The following CLMP variants were observed in gnomAD, a reference collection of about 807,000 sequenced individuals.
CLMP encodes the protein CXADR-like membrane protein.
In CLMP, 27 loss-of-function variants were observed where a neutral mutation model predicts 45.2. That is an observed-to-expected ratio of 0.60 (90% CI 0.44 to 0.82). The LOEUF is 0.82. Ranked by LOEUF, CLMP falls within the 40% of genes least tolerant of loss-of-function variation. The pLI, the probability that CLMP is intolerant of heterozygous loss-of-function variation, is 0.00. For missense variants in CLMP, 403 were observed against 448.4 expected, an observed-to-expected ratio of 0.90 and a Z score of 0.91; for synonymous variants, 167 against 171.4, an observed-to-expected ratio of 0.97 and a Z score of 0.20.
At chr11:123,135,258 T>TAAAAAA (rs1861054614) in intron 1 of CLMP, among the ~76,000 whole-genome samples, 1 of 74,120 alleles carries the variant, frequency 1.3e-5, no homozygotes, top group African/African-American at 7.7e-5. Context: ...AGACTCCGTC[T>TAAAAAA]CAAAAAAAAA....
chr11:123,113,592 G>C (rs529803615), intron 1 of CLMP, among the ~76,000 whole-genome samples: 1 of 152,178 alleles, frequency 6.6e-6, no homozygotes, highest in Non-Finnish European at 1.5e-5. Flanking sequence ...TGACTTCTGC[G>C]TTTGGCAGAT....
chr11:123,102,907 T>A (rs1347747023), intron 1 of CLMP, among the ~76,000 whole-genome samples: 4 of 151,950 alleles, frequency 2.6e-5, no homozygotes, highest in Non-Finnish European at 5.9e-5. Flanking sequence ...TCTCCCATTA[T>A]CCTGTAAGCT....
In CLMP at chr11:123,171,681, C is replaced by T. The variant is rs529134798; in HGVS notation, c.28+23232G>A. ...CTGGTCTCGAACTCCTGGCCTCAAGCGATCCGCCTTCCTCGGTCTCCCAAA... is the reference window on the plus strand; with the variant it reads ...CTGGTCTCGAACTCCTGGCCTCAAGTGATCCGCCTTCCTCGGTCTCCCAAA... On this transcript the variant is annotated intron_variant, in intron 1 of 6. Transcript: ENST00000448775. 1.5e-4 allele frequency among the ~76,000 whole-genome samples: 23 copies of T among 151,990 alleles called. No homozygotes were observed. In the South Asian group the frequency reaches 1.9e-3, roughly 12 times the overall value.
chr11:123,163,867 T>G (rs1861520555), intron 1 of CLMP, among the ~76,000 whole-genome samples: 1 of 152,220 alleles, frequency 6.6e-6, no homozygotes, highest in Non-Finnish European at 1.5e-5. Flanking sequence ...AGAGTGTCTC[T>G]GCTTAAATTT....
At chr11:123,142,534 C>T (rs6589968) in intron 1 of CLMP, among the ~76,000 whole-genome samples, 65,904 of 151,540 alleles carry the variant, frequency 0.43, 15,680 homozygotes, top group African/African-American at 0.64. Flanking sequence ...CAGTTAAGCC[C>T]TAAGTGAGAG....
Position 123,083,124 on chromosome 11 carries a change from C to T in CLMP, c.640G>A (p.Ala214Thr), listed in dbSNP as rs1256149827. ...CGCACCACACAGCTTTCCTTCCCAG[C>T]TTCGTTGCCTGCTGTGCACTGGTAC... ...GLYQCTAGNE[A>T]GKESCVVRVT... The change falls in exon 5 of 7, where the codon GCT (alanine) becomes ACT (threonine). Residue 214 changes from alanine to threonine, a missense_variant. Coordinates refer to ENST00000448775, the MANE Select transcript of CLMP (RefSeq NM_024769.5). The T allele has an allele frequency of 6.2e-7, 1 of 1,614,080 alleles. No individual in the cohort carries two copies. The highest frequency in any genetic ancestry group is 8.5e-7 in the Non-Finnish European group (1 of 1,180,038).
intron 1 of CLMP, among the ~76,000 whole-genome samples, chr11:123,162,134 G>A (rs779156293): frequency 6.6e-6 from 1 of 152,154 alleles, no homozygotes; most frequent in Non-Finnish European, 1.5e-5. Flanking sequence ...TCAGTCTAAG[G>A]GGAAGTTCCT....
chr11:123,164,130 T>G (rs959860524), intron 1 of CLMP, among the ~76,000 whole-genome samples: 1 of 151,986 alleles, frequency 6.6e-6, no homozygotes, highest in Non-Finnish European at 1.5e-5. Flanking sequence ...CGAAAATCAA[T>G]AGTAAATACC....
chr11:123,133,433 T>C (rs1861020950), intron 1 of CLMP, among the ~76,000 whole-genome samples: 1 of 152,112 alleles, frequency 6.6e-6, no homozygotes, highest in South Asian at 2.1e-4. Context: ...GCAGAAATCT[T>C]GTTAAGTCAG....
At chr11:123,102,681 T>C (rs1354585641) in intron 1 of CLMP, among the ~76,000 whole-genome samples, 2 of 150,356 alleles carry the variant, frequency 1.3e-5, no homozygotes, top group Non-Finnish European at 3.0e-5. Flanking sequence ...GTTCCAGTGA[T>C]TCTCCTGCCT....
chr11:123,166,894 C>T (rs1415052461), intron 1 of CLMP, among the ~76,000 whole-genome samples: 1 of 151,956 alleles, frequency 6.6e-6, no homozygotes, highest in Non-Finnish European at 1.5e-5. Flanking sequence ...CATTGCACTC[C>T]ATAAATATGT....
intron 1 of CLMP, among the ~76,000 whole-genome samples, chr11:123,123,808 A>T (rs61043674): frequency 0.11 from 17,420 of 152,198 alleles, 1,842 homozygotes; most frequent in African/African-American, 0.28. Context: ...ATTAGCAAAT[A>T]CTTTAAGACA....
intron 1 of CLMP, among the ~76,000 whole-genome samples, chr11:123,139,802 CG>C (rs1194998050): frequency 3.3e-5 from 5 of 150,512 alleles, no homozygotes; most frequent in Non-Finnish European, 7.4e-5. Context: ...GGCAACAGAG[CG>C]AGACACCGTC....
intron 5 of CLMP, among the ~76,000 whole-genome samples, chr11:123,079,750 G>A (rs1009048138): frequency 5.8e-4 from 88 of 152,260 alleles, no homozygotes; most frequent in Admixed American, 2.1e-3. Context: ...CGGCCTGACT[G>A]TTGTGTTTTT....
chr11:123,138,135 A>G (rs1227350351), intron 1 of CLMP, among the ~76,000 whole-genome samples: 1 of 152,062 alleles, frequency 6.6e-6, no homozygotes, highest in Non-Finnish European at 1.5e-5. Flanking sequence ...GACAGCAAGG[A>G]GGGATGAAGT....
At chr11:123,091,878 G>GC (rs36065781) in intron 2 of CLMP, among the ~76,000 whole-genome samples, 61,848 of 151,930 alleles carry the variant, frequency 0.41, 14,502 homozygotes, top group African/African-American at 0.65. Context: ...TGAAGGCTTG[G>GC]CTTCTGAAGG....
At position 123,083,698 on chromosome 11, in the gene CLMP, G is replaced by A; in HGVS notation, c.538C>T (p.Pro180Ser). Reference protein sequence around the residue: ...REKEGEDERLPPKSRIDYNHP... With the variant: ...REKEGEDERLSPKSRIDYNHP... ...GACTTACCAATCCTAGATTTGGGAGGCAGACGTTCATCCTCTCCCTCTTTC... is the reference window on the plus strand; with the variant it reads ...GACTTACCAATCCTAGATTTGGGAGACAGACGTTCATCCTCTCCCTCTTTC... The change falls in exon 4 of 7, where the codon CCT becomes TCT. Residue 180 changes from proline (P) to serine (S), a missense_variant. Pro to Ser is a moderately conservative substitution (Grantham distance 74). Transcript: ENST00000448775. 6.2e-7 allele frequency: 1 copy of A among 1,614,038 alleles called. No homozygotes were observed. Among genetic ancestry groups the A allele is most frequent in the Non-Finnish European group, 8.5e-7 (1 of 1,180,012 alleles).
chr11:123,174,343 T>G (rs1861672344), intron 1 of CLMP, among the ~76,000 whole-genome samples: 1 of 152,190 alleles, frequency 6.6e-6, no homozygotes. Context: ...ATTCTGATTG[T>G]TTCCTTCCTT....
At chr11:123,127,341 C>T (rs752524489) in intron 1 of CLMP, among the ~76,000 whole-genome samples, 2 of 152,036 alleles carry the variant, frequency 1.3e-5, no homozygotes, top group African/African-American at 2.4e-5. Context: ...AGACTGGTCT[C>T]GAACTCCTAA....
Sources: allele counts gnomAD v4.1 joint callset (sites outside exome capture counted in the v4.1 genomes callset), GRCh38; gene constraint gnomAD v4.1.1; transcripts MANE v1.5; gene names NCBI Gene and HGNC (gene_info 2026-07-23, HGNC 2026-07-21).